Variants in DNM3 observed in about 807,000 individuals in gnomAD.
DNM3 encodes dynamin 3.
A neutral mutation model predicts 101.6 loss-of-function variants in DNM3; 47 were observed. The observed-to-expected ratio is 0.46, with a 90% CI of 0.37 to 0.59. The LOEUF (loss-of-function observed/expected upper bound fraction) is 0.59. Ranked by LOEUF, DNM3 falls within the 20% of genes least tolerant of loss-of-function variation. DNM3 has a pLI of 0.00. For synonymous variants in DNM3, 385 were observed against 387.9 expected (o/e 0.99, Z 0.09); for missense variants, 849 against 1,085.7 (o/e 0.78, Z 3.06).
intron 13 of DNM3, among the ~76,000 whole-genome samples, chr1:172,111,278 A>G (rs2055458680): frequency 6.6e-6 from 1 of 152,210 alleles, no homozygotes; most frequent in Admixed American, 6.5e-5. Context: ...TGTTTACAGT[A>G]GCCCTTGGTG....
intron 2 of DNM3, among the ~76,000 whole-genome samples, chr1:171,925,846 A>G (rs2040527540): frequency 6.6e-6 from 1 of 152,160 alleles, no homozygotes; most frequent in Non-Finnish European, 1.5e-5. Flanking sequence ...GAGGACTTAC[A>G]TTTAAGTCTT....
At chr1:171,867,328 G>A (rs1199758253) in intron 1 of DNM3, among the ~76,000 whole-genome samples, 2 of 152,318 alleles carry the variant, frequency 1.3e-5, no homozygotes, top group East Asian at 3.9e-4. Context: ...TGCTTCCTGT[G>A]CCTCTGTGAT....
intron 13 of DNM3, among the ~76,000 whole-genome samples, chr1:172,093,155 G>A (rs756580111): frequency 9.2e-5 from 14 of 152,104 alleles, no homozygotes; most frequent in East Asian, 1.9e-4. Flanking sequence ...GCTTGCTTAC[G>A]TTACCCCTAA....
chr1:172,005,910 T>C (rs930989374), intron 4 of DNM3, among the ~76,000 whole-genome samples: 5 of 152,114 alleles, frequency 3.3e-5, no homozygotes, highest in African/African-American at 1.2e-4. Flanking sequence ...TGGTACTAAC[T>C]GTTTACAAGT....
chr1:172,006,211 G>A (rs1045093254), intron 4 of DNM3, among the ~76,000 whole-genome samples: 3 of 152,172 alleles, frequency 2.0e-5, no homozygotes, highest in South Asian at 2.1e-4. Flanking sequence ...GGCAGTGAGG[G>A]AGGTTTCTTG....
chr1:172,329,928 C>T (rs1160124273), intron 17 of DNM3, among the ~76,000 whole-genome samples: 1 of 152,122 alleles, frequency 6.6e-6, no homozygotes, highest in East Asian at 1.9e-4. Context: ...TTAAAACAGC[C>T]AGCCAGACAT....
chr1:172,213,538 A>AAAAAT (rs1553419736), intron 14 of DNM3, among the ~76,000 whole-genome samples: 1 of 143,878 alleles, frequency 7.0e-6, no homozygotes, highest in African/African-American at 2.5e-5. Context: ...AAAAAAAAAA[A>AAAAAT]GCCTATTGGT....
intron 2 of DNM3, among the ~76,000 whole-genome samples, chr1:171,968,365 C>T (rs2043740885): frequency 6.6e-6 from 1 of 152,058 alleles, no homozygotes; most frequent in Non-Finnish European, 1.5e-5. Context: ...CAGGCAACTC[C>T]TCATTTTACA....
chr1:172,067,428 T>C (rs1281625927), intron 10 of DNM3, among the ~76,000 whole-genome samples: 1 of 152,180 alleles, frequency 6.6e-6, no homozygotes, highest in East Asian at 1.9e-4. Flanking sequence ...AAATTCCTGA[T>C]AGAATTGCAA....
At chr1:171,930,003 C>CT (rs1317146981) in intron 2 of DNM3, among the ~76,000 whole-genome samples, 1 of 152,026 alleles carries the variant, frequency 6.6e-6, no homozygotes, top group Non-Finnish European at 1.5e-5. Context: ...TTTCAAATCT[C>CT]TGTGGGCTGG....
chr1:172,381,738 C>T (rs540710705), intron 18 of DNM3, among the ~76,000 whole-genome samples: 27 of 152,122 alleles, frequency 1.8e-4, no homozygotes, highest in African/African-American at 6.0e-4. Context: ...AATGAAAGAA[C>T]TAATAATAAA....
chr1:172,010,682 TTG>T (rs59701730), intron 4 of DNM3, among the ~76,000 whole-genome samples: 39,518 of 112,268 alleles, frequency 0.35, 7,286 homozygotes, highest in East Asian at 0.48. Context: ...TTGGTATGTT[TTG>T]TGTGTGTGTG....
At chr1:171,955,667 G>A (rs1434617108) in intron 2 of DNM3, among the ~76,000 whole-genome samples, 4 of 152,164 alleles carry the variant, frequency 2.6e-5, no homozygotes, top group Non-Finnish European at 4.4e-5. Context: ...AGAGGCATAG[G>A]TAGCATTAAA....
At chr1:172,227,271 G>GATATATATATATATATATATATATATAT (rs140087796) in intron 14 of DNM3, among the ~76,000 whole-genome samples, 3 of 78,032 alleles carry the variant, frequency 3.8e-5, no homozygotes, top group African/African-American at 9.4e-5. Context: ...AGTATTTTGT[G>GATATATATATATATATATATATATATAT]ATATATATAT....
chr1:172,381,582 A>G (rs1382290804), intron 18 of DNM3, among the ~76,000 whole-genome samples: 2 of 151,924 alleles, frequency 1.3e-5, no homozygotes, highest in East Asian at 1.9e-4. Flanking sequence ...TTGTCGTGGC[A>G]TCTTATTGTA....
At chr1:172,304,213 A>AAAAAAAAAAAAAAAAAAAAAAC (rs1553227989) in intron 15 of DNM3, among the ~76,000 whole-genome samples, 1 of 133,510 alleles carries the variant, frequency 7.5e-6, no homozygotes, top group African/African-American at 3.3e-5. Flanking sequence ...AAGCAAAAAA[A>AAAAAAAAAAAAAAAAAAAAAAC]AAAAAAAAAC....
At chr1:172,404,694 T>C (rs2070755092) in intron 20 of DNM3, among the ~76,000 whole-genome samples, 1 of 152,136 alleles carries the variant, frequency 6.6e-6, no homozygotes, top group Admixed American at 6.6e-5. Context: ...ATGCAGCAGT[T>C]ACAATCATGT....
At chr1:172,179,205 G>A (rs1247937902) in intron 14 of DNM3, among the ~76,000 whole-genome samples, 1 of 151,862 alleles carries the variant, frequency 6.6e-6, no homozygotes, top group African/African-American at 2.4e-5. Flanking sequence ...TGTCATTTGT[G>A]GACTGTGATC....
At chr1:172,107,875 T>C (rs2055176585) in intron 13 of DNM3, among the ~76,000 whole-genome samples, 1 of 152,174 alleles carries the variant, frequency 6.6e-6, no homozygotes, top group African/African-American at 2.4e-5. Context: ...ATTACAGAAT[T>C]TTTCCTGAGT....
Sources: allele counts gnomAD v4.1 joint callset (sites outside exome capture counted in the v4.1 genomes callset), GRCh38; gene constraint gnomAD v4.1.1; transcripts MANE v1.5; gene names NCBI Gene and HGNC (gene_info 2026-07-23, HGNC 2026-07-21).